PRR14L: variants seen among roughly 807,000 people sequenced by gnomAD.
PRR14L encodes proline rich 14 like.
A neutral mutation model predicts 155.0 loss-of-function variants in PRR14L; 80 were observed. The observed-to-expected ratio is 0.52, with a 90% confidence interval of 0.43 to 0.62. The LOEUF (loss-of-function observed/expected upper bound fraction) is 0.62. PRR14L is among the 20% of genes least tolerant of loss of function. PRR14L has a pLI of 0.00. For missense variants in PRR14L, 2,469 were observed against 2,548.0 expected (o/e 0.97, Z 0.67); for synonymous variants, 883 against 916.0 (o/e 0.96, Z 0.65).
At chr22:31,722,018 A>C (rs1184189484) in intron 3 of PRR14L, among the ~76,000 whole-genome samples, 13 of 152,208 alleles carry the variant, frequency 8.5e-5, no homozygotes, top group Admixed American at 8.5e-4. Context: ...AAGTCCTCCC[A>C]CTCAGAATAA....
chr22:31,726,742 G>C (rs568781739), intron 2 of PRR14L, among the ~76,000 whole-genome samples: 18 of 152,146 alleles, frequency 1.2e-4, no homozygotes, highest in Admixed American at 6.6e-4. Flanking sequence ...TCCAACCCAA[G>C]GACTCTCACC....
intron 3 of PRR14L, among the ~76,000 whole-genome samples, chr22:31,723,805 G>T (rs116248858): frequency 0.015 from 2,268 of 152,282 alleles, 55 homozygotes; most frequent in African/African-American, 0.053. Context: ...GAAGCTAAGA[G>T]TCAAATCTGA....
At chr22:31,733,558 G>A (rs891230554) in intron 2 of PRR14L, among the ~76,000 whole-genome samples, 3 of 151,992 alleles carry the variant, frequency 2.0e-5, no homozygotes, top group African/African-American at 7.3e-5. Flanking sequence ...ACCCGCCTCG[G>A]CCCCCCGAAG....
chr22:31,730,457 A>G (rs767005778), intron 2 of PRR14L, among the ~76,000 whole-genome samples: 3 of 152,186 alleles, frequency 2.0e-5, no homozygotes, highest in Admixed American at 6.5e-5. Flanking sequence ...AAAGAAAAAA[A>G]AAAGAATACC....
At chr22:31,688,080 C>A in intron 8 of PRR14L, 76 bp downstream of exon 8, 2 of 1,268,220 alleles carry the variant, frequency 1.6e-6, no homozygotes, top group Non-Finnish European at 2.2e-6. Flanking sequence ...TAAACTCTTT[C>A]TAAAGTGAAA....
At chr22:31,696,960 C>G (rs1265847903) in intron 7 of PRR14L, among the ~76,000 whole-genome samples, 1 of 152,058 alleles carries the variant, frequency 6.6e-6, no homozygotes, top group Non-Finnish European at 1.5e-5. Flanking sequence ...ACTAAAAATA[C>G]AAAAATTAGC....
intron 2 of PRR14L, among the ~76,000 whole-genome samples, chr22:31,737,031 CAAAAAAAAA>C (rs10589286): frequency 2.0e-5 from 1 of 49,840 alleles, no homozygotes; most frequent in African/African-American, 8.3e-5. Flanking sequence ...GTGAGAGACT[CAAAAAAAAA>C]AAAAAAAAAA....
At chr22:31,705,020 G>A (rs903112259) in intron 4 of PRR14L, among the ~76,000 whole-genome samples, 2 of 152,200 alleles carry the variant, frequency 1.3e-5, no homozygotes, top group Non-Finnish European at 2.9e-5. Context: ...AGCACTTTGG[G>A]AGGCTGAGGT....
At chr22:31,730,102 T>C (rs555678824) in intron 2 of PRR14L, among the ~76,000 whole-genome samples, 1 of 148,102 alleles carries the variant, frequency 6.8e-6, no homozygotes, top group Admixed American at 6.9e-5. Flanking sequence ...GCTGAGATCA[T>C]GTCACTGCAC....
intron 7 of PRR14L, among the ~76,000 whole-genome samples, chr22:31,697,850 C>T (rs1004355364): frequency 2.4e-4 from 36 of 151,906 alleles, no homozygotes; most frequent in Non-Finnish European, 4.0e-4. Context: ...CCAGCCTGAG[C>T]GAGACCTTGT....
chr22:31,725,957 C>T (rs1419571240), intron 2 of PRR14L, among the ~76,000 whole-genome samples: 2 of 151,936 alleles, frequency 1.3e-5, no homozygotes, highest in African/African-American at 4.8e-5. Flanking sequence ...GCGTGAGCCA[C>T]CACGCCTGGC....
chr22:31,683,190 T>A lies in PRR14L; in HGVS notation c.*2337A>T. 6.6e-6 allele frequency: 1 copy of A among 152,494 alleles called. No individual in the cohort carries two copies. Among genetic ancestry groups the A allele is most frequent in the East Asian group, 1.9e-4 (1 of 5,206 alleles). 9.4% of individuals were successfully genotyped at this position (152,494 alleles called of 1,614,324 possible). A position where few individuals can be genotyped will look rare whatever the true frequency, so the allele number is the denominator to read the frequency against. ...CCCAGTTACCCATGTTCCAAACCGC[T>A]GCTTCTGGTCCTTCGAGTGCCACAC... On this transcript the variant is annotated 3_prime_UTR_variant, in exon 9 of 9. Transcript: ENST00000327423.
At chr22:31,743,453 A>C (rs539440510) in intron 1 of PRR14L, among the ~76,000 whole-genome samples, 9 of 152,340 alleles carry the variant, frequency 5.9e-5, no homozygotes, top group African/African-American at 2.2e-4. Flanking sequence ...GGTACAATTT[A>C]AATCAGTCAA....
Position 31,712,437 on chromosome 22 carries a change from T to C in PRR14L, c.5402A>G (p.Gln1801Arg), listed in dbSNP as rs539724024. ...GACTATGGCAGTGCCTCCATAGTCT[T>C]GGAGAGGAGCTGGAGGCTGGGGAGG... is the stretch of plus-strand genomic sequence containing the variant. ...QAPPQPPAPL[Q>R]DYGGTAIVQT... The change falls in exon 4 of 9, where the codon CAA becomes CGA. Residue 1801 changes from glutamine to arginine, a missense_variant. Transcript: ENST00000327423. The C allele has an allele frequency of 6.4e-7, 1 of 1,562,566 alleles. No homozygotes were observed. Among genetic ancestry groups the C allele is most frequent in the Non-Finnish European group, 8.7e-7 (1 of 1,152,780 alleles).
rs747002029 is a variant in PRR14L at position 31,717,021 on chromosome 22, T to C, written c.818A>G (p.Glu273Gly). Residue 273 changes from glutamate (E) to glycine (G), a missense_variant, in exon 4 of 9, where the codon GAA becomes GGA. Coordinates refer to ENST00000327423, the MANE Select transcript of PRR14L (RefSeq NM_173566.3). ...TEATPKEKEC[E>G]ELKSCPWLSL... ...CAACCAAGGACAACTTTTTAATTCT[T>C]CACATTCTTTTTCTTTAGGAGTTGC... 23 of 1,551,712 alleles carry C rather than the reference T, an allele frequency of 1.5e-5. No homozygotes were observed. Among genetic ancestry groups the C allele is most frequent in the Non-Finnish European group, 1.9e-5 (22 of 1,147,022 alleles).
Position 31,715,470 on chromosome 22 carries a change from C to G in PRR14L, c.2369G>C (p.Arg790Pro), listed in dbSNP as rs201975358. 5 of 1,552,186 alleles carry G rather than the reference C, an allele frequency of 3.2e-6. No homozygotes were observed. The highest frequency in any genetic ancestry group is 4.4e-6 in the Non-Finnish European group (5 of 1,147,116). The change falls in exon 4 of 9, where the codon CGT becomes CCT. Residue 790 changes from arginine (R) to proline (P), a missense_variant. Physicochemically the swap from Arg to Pro is moderately radical, Grantham distance 103. Around this residue, in one of 2 missense-constraint regions of PRR14L, gnomAD observed 2,363 missense variants for 2,371.6 expected, o/e 1.00. Coordinates refer to ENST00000327423, the MANE Select transcript of PRR14L (RefSeq NM_173566.3). ...VQSQDISSCH[R>P]VRKNVSQENM... ...TTCCTGGGATACATTTTTTCTTACACGATGACAGCTAGAGATATCCTGAGA... is the reference window on the plus strand; with the variant it reads ...TTCCTGGGATACATTTTTTCTTACAGGATGACAGCTAGAGATATCCTGAGA...
rs192996818 is a variant in PRR14L, at chr22:31,711,259, C to T, written c.5756+824G>A. Among the ~76,000 whole-genome samples the T allele has an allele frequency of 2.2e-3, 328 of 152,082 alleles. 1 individual carries two copies. The highest frequency in any genetic ancestry group is 0.02 in the South Asian group (94 of 4,808). Reference sequence around the variant, plus strand: ...GAGCCAAGGTGAGAGGATCACCGGACGCCAGGAGTTCAAGACCAGCCTGGC... The same window carrying T: ...GAGCCAAGGTGAGAGGATCACCGGATGCCAGGAGTTCAAGACCAGCCTGGC... On this transcript the variant is annotated intron_variant, in intron 4 of 8. Transcript: ENST00000327423.
intron 4 of PRR14L, among the ~76,000 whole-genome samples, chr22:31,706,244 T>C (rs540580095): frequency 9.3e-5 from 14 of 149,942 alleles, no homozygotes; most frequent in Non-Finnish European, 1.3e-4. Context: ...GGCAGGAGAA[T>C]TGCTTGAACC....
At chr22:31,697,134 C>T (rs1194557610) in intron 7 of PRR14L, among the ~76,000 whole-genome samples, 1 of 151,196 alleles carries the variant, frequency 6.6e-6, no homozygotes, top group Non-Finnish European at 1.5e-5. Context: ...AACAAACAAA[C>T]AAACAAACAA....
Sources: gnomAD v4.1 joint callset for allele counts (sites outside exome capture counted in the v4.1 genomes callset) on GRCh38, gnomAD v4.1.1 for gene constraint, gnomAD v4.1.1 regional missense constraint, MANE v1.5 for transcripts, NCBI Gene and HGNC (gene_info 2026-07-23, HGNC 2026-07-21) for gene names.